NLRP6: variants seen among roughly 807,000 people sequenced by gnomAD.
The protein encoded by NLRP6 is NACHT, LRR and PYD domains-containing protein 6.
NLRP6 carries 55 observed loss-of-function variants against 70.9 expected under a neutral mutation model. That is an observed-to-expected ratio of 0.78 (90% CI 0.62 to 0.97). The LOEUF (loss-of-function observed/expected upper bound fraction) is 0.97. NLRP6 is among the 50% of genes least tolerant of loss of function. The pLI is 0.00. For missense variants in NLRP6, 1,241 were observed against 1,238.3 expected (o/e 1.00, Z -0.03); for synonymous variants, 652 against 581.9 (o/e 1.12, Z -1.73).
chr11:279,462 G>A lies in NLRP6; in HGVS notation c.165G>A (p.Arg55=). The change falls in exon 2 of 8, where the codon CGG becomes CGA. Residue 55 remains arginine (R), a synonymous_variant. Coordinates refer to ENST00000534750, the MANE Select transcript of NLRP6 (RefSeq NM_001276700.2). ...ACGGACGCAGCATCCCGTGGGGGCGGCTGGAGCGCGCGGACGCCGTGGACC... is the reference window on the plus strand; with the variant it reads ...ACGGACGCAGCATCCCGTGGGGGCGACTGGAGCGCGCGGACGCCGTGGACC... ...GPDGRSIPWG[R]LERADAVDLA... 1.4e-6 allele frequency: 2 copies of A among 1,415,366 alleles called. No individual in the cohort carries two copies. Among genetic ancestry groups the A allele is most frequent in the Admixed American group, 3.1e-5 (1 of 31,866 alleles). The allele number at this position is 1,415,366 out of a possible 1,614,324, so 87.7% of individuals were successfully genotyped here.
rs751415614 is a variant in NLRP6 at position 279,443 on chromosome 11, G to T, written c.146G>T (p.Arg49Leu). 1 of 1,393,068 alleles carries T rather than the reference G, an allele frequency of 7.2e-7. No homozygotes were observed. The highest frequency in any genetic ancestry group is 9.3e-7 in the Non-Finnish European group (1 of 1,076,216). The allele number at this position is 1,393,068 out of a possible 1,614,324, so 86.3% of individuals were successfully genotyped here. The change falls in exon 2 of 8, where the codon CGC becomes CTC. Residue 49 changes from arginine to leucine, a missense_variant. Coordinates refer to ENST00000534750, the MANE Select transcript of NLRP6 (RefSeq NM_001276700.2). ...HKLRDVGPDG[R>L]SIPWGRLERA... ...CTGCGCGACGTGGGCCCGGACGGAC[G>T]CAGCATCCCGTGGGGGCGGCTGGAG... is the stretch of plus-strand genomic sequence containing the variant.
chr11:285,197 C>A lies in NLRP6; in HGVS notation c.2569C>A (p.Leu857Ile), dbSNP rs772246526. The change falls in exon 8 of 8, where the codon CTA (leucine) becomes ATA (isoleucine). Residue 857 changes from leucine (L) to isoleucine (I), a missense_variant. Transcript: ENST00000534750. ...CTCTGTGGAGCTGAGCGAGCAGTCA[C>A]TACAGGAGCTTCAGGCTGTGAAGAG... ...LASVELSEQS[L>I]QELQAVKRAK... is the part of the protein sequence containing the mutation. The A allele has an allele frequency of 1.3e-6, 2 of 1,596,170 alleles. No individual in the cohort carries two copies. The highest frequency in any genetic ancestry group is 2.3e-5 in the East Asian group (1 of 44,146).
At chr11:284,730 A>G in intron 7 of NLRP6, 88 bp downstream of exon 7, 1 of 1,300,308 alleles carries the variant, frequency 7.7e-7, no homozygotes, top group Non-Finnish European at 1.0e-6. Flanking sequence ...CTGGACCCTG[A>G]AGAGGGGCCC....
chr11:281,505 C>T lies in NLRP6; in HGVS notation c.1771C>T (p.Pro591Ser). Residue 591 changes from proline to serine, a missense_variant, in exon 4 of 8, where the codon CCA becomes TCA. Coordinates refer to ENST00000534750, the MANE Select transcript of NLRP6 (RefSeq NM_001276700.2). ...GGGACAGGGCTGCCCCGGAGTGGCA[C>T]CAGAGGTGACCGAGGGGGCCAAAGG... ...GQGQGCPGVA[P>S]EVTEGAKGLE... 1.2e-6 allele frequency: 2 copies of T among 1,603,588 alleles called. No individual in the cohort carries two copies. The highest frequency in any genetic ancestry group is 2.2e-5 in the East Asian group (1 of 44,746).
intron 3 of NLRP6, 38 bp from the exon 4 acceptor site, chr11:280,046 C>A: frequency 6.9e-7 from 1 of 1,452,810 alleles, no homozygotes. Context: ...TGCCCCACCT[C>A]CGACCCTTGT....
rs1590266302 is a variant in NLRP6 at position 278,465 on chromosome 11, G to A, written c.-105G>A. 10 of 958,750 alleles carry A rather than the reference G, an allele frequency of 1.0e-5. No individual in the cohort carries two copies. In the East Asian group the frequency reaches 1.8e-4, roughly 17 times the overall value. The allele number at this position is 958,750 out of a possible 1,614,324, so 59.4% of individuals were successfully genotyped here. A position where few individuals can be genotyped will look rare whatever the true frequency, so the allele number is the denominator to read the frequency against. On this transcript the variant is annotated 5_prime_UTR_variant, in exon 1 of 8. Transcript: ENST00000534750. This position sits in a 1 kb window ranked among gnomAD's most constrained non-coding sequence, Gnocchi z 4.7. The stretch of plus-strand genomic sequence containing the variant: ...TGTGTGGACCCGGGGAATGGACCGG[G>A]CTGGACAACCTCTAAGACTTGGCTC...
rs756108573 is a variant in NLRP6 at position 281,608 on chromosome 11, TGTAC to T, written c.1876_1879del (p.Tyr626ArgfsTer33). The T allele has an allele frequency of 5.6e-6, 9 of 1,612,148 alleles. No individual in the cohort carries two copies. The highest frequency in any genetic ancestry group is 2.5e-6 in the Non-Finnish European group (3 of 1,179,312). On this transcript the variant is annotated frameshift_variant, in exon 4 of 8. Transcript: ENST00000534750. LOFTEE classifies it high-confidence loss of function. ...TACCCACTGGAGTTGCTGTACTGCC[TGTAC>T]GAGACGCAGGAGGACGCGTTTGTGC...
chr11:283,916 T>C (rs1845515237), intron 5 of NLRP6, among the ~76,000 whole-genome samples: 1 of 151,216 alleles, frequency 6.6e-6, no homozygotes, highest in African/African-American at 2.4e-5. Context: ...TACCCAACCA[T>C]TAGGGAATAG....
At position 280,899 on chromosome 11, in the gene NLRP6, T is replaced by G. The variant is rs757549802; in HGVS notation, c.1165T>G (p.Phe389Val). 3 of 1,613,348 alleles carry G rather than the reference T, an allele frequency of 1.9e-6. No homozygotes were observed. In the South Asian group the frequency reaches 3.3e-5, roughly 18 times the overall value. ...GCTGTTCGCGCTGTGCTTCGTGCCC[T>G]TCGTGTGCTGGATCGTGTGCACCGT... is the stretch of plus-strand genomic sequence containing the variant. ...ETLFALCFVP[F>V]VCWIVCTVLR... Residue 389 changes from phenylalanine to valine, a missense_variant, in exon 4 of 8, where the codon TTC (phenylalanine) becomes GTC (valine). Coordinates refer to ENST00000534750, the MANE Select transcript of NLRP6 (RefSeq NM_001276700.2).
chr11:282,727 C>T lies in NLRP6; in HGVS notation c.2128C>T (p.Leu710=), dbSNP rs1411862388. The part of the protein sequence containing the change: ...GGSSQGTTKQ[L]PASLLHPLFQ... ...CAGTTCTCAAGGCACCACAAAACAA[C>T]TGCCAGCCTCCCTTCTTCATCCACT... is the stretch of plus-strand genomic sequence containing the variant. Residue 710 remains leucine, a synonymous_variant, in exon 5 of 8, where the codon CTG becomes TTG. Transcript: ENST00000534750. 2.5e-6 allele frequency: 4 copies of T among 1,613,982 alleles called. No homozygotes were observed. The highest frequency in any genetic ancestry group is 3.4e-6 in the Non-Finnish European group (4 of 1,179,944).
At position 280,508 on chromosome 11, in the gene NLRP6, C is replaced by G. The variant is rs1169580292; in HGVS notation, c.774C>G (p.Pro258=). Residue 258 remains proline, a synonymous_variant, in exon 4 of 8, where the codon CCC becomes CCG. Transcript: ENST00000534750. Reference sequence around the variant, plus strand: ...CTGACCTGATCCTGGACCAGTGCCCCGACCGCGGCGCGCCGGTGCCGCAGA... The same window carrying G: ...CTGACCTGATCCTGGACCAGTGCCCGGACCGCGGCGCGCCGGTGCCGCAGA... ...SLADLILDQC[P]DRGAPVPQML... is the part of the protein sequence containing the mutation. The G allele has an allele frequency of 5.7e-6, 9 of 1,574,586 alleles. No homozygotes were observed. The highest frequency in any genetic ancestry group is 1.8e-5 in the Admixed American group (1 of 57,074).
Position 281,305 on chromosome 11 carries a change from G to C in NLRP6, c.1571G>C (p.Gly524Ala), listed in dbSNP as rs1318643606. Residue 524 changes from glycine to alanine, a missense_variant, in exon 4 of 8, where the codon GGC (glycine) becomes GCC (alanine). Gly to Ala is a moderately conservative substitution (Grantham distance 60, BLOSUM62 0). Coordinates refer to ENST00000534750, the MANE Select transcript of NLRP6 (RefSeq NM_001276700.2). ...EDGGVPRTAA[G>A]GVGTLLRGDA... ...GGCGGGGTGCCCAGGACCGCGGCTGGCGGCGTTGGGACACTCCTGCGTGGG... is the reference window on the plus strand; with the variant it reads ...GGCGGGGTGCCCAGGACCGCGGCTGCCGGCGTTGGGACACTCCTGCGTGGG... 3 of 1,608,924 alleles carry C rather than the reference G, an allele frequency of 1.9e-6. No individual in the cohort carries two copies. Among genetic ancestry groups the C allele is most frequent in the Non-Finnish European group, 2.5e-6 (3 of 1,177,528 alleles).
chr11:278,520 T>C lies in NLRP6; in HGVS notation c.-50T>C. The stretch of plus-strand genomic sequence containing the variant: ...TCAGCCTGTGAAGGAATCACCTCTC[T>C]GATCCCCACCTCTGCCCCGGAGTGC... On this transcript the variant is annotated 5_prime_UTR_variant, in exon 1 of 8. Coordinates refer to ENST00000534750, the MANE Select transcript of NLRP6 (RefSeq NM_001276700.2). The surrounding 1 kb of genome is among the most constrained non-coding windows in gnomAD (Gnocchi z 4.7). 6.8e-7 allele frequency: 1 copy of C among 1,466,138 alleles called. No homozygotes were observed. Among genetic ancestry groups the C allele is most frequent in the Non-Finnish European group, 9.1e-7 (1 of 1,102,560 alleles). The allele number at this position is 1,466,138 out of a possible 1,614,324, so 90.8% of individuals were successfully genotyped here.
chr11:279,679 A>AGCACCGGCGCGGTCCCCG, intron 2 of NLRP6, 72 bp downstream of exon 2: 1 of 1,362,086 alleles, frequency 7.3e-7, no homozygotes, highest in African/African-American at 1.5e-5. Flanking sequence ...TTCCCGGAGA[A>AGCACCGGCGCGGTCCCCG]GCCCCGGCGC....
intron 1 of NLRP6, 32 bp from the exon 2 acceptor site, chr11:279,295 C>T: frequency 7.9e-7 from 1 of 1,259,970 alleles, no homozygotes; most frequent in Non-Finnish European, 1.0e-6. Context: ...CCGAGGGCCG[C>T]TCCCCGATGA....
rs1006473633 is a variant in NLRP6, at chr11:280,212, G to C, written c.478G>C (p.Glu160Gln). 6.5e-7 allele frequency: 1 copy of C among 1,546,598 alleles called. No homozygotes were observed. The highest frequency in any genetic ancestry group is 8.7e-7 in the Non-Finnish European group (1 of 1,145,708). The change falls in exon 4 of 8, where the codon GAG (glutamate) becomes CAG (glutamine). Residue 160 changes from glutamate to glutamine, a missense_variant. Transcript: ENST00000534750. ...LLIAPESAAP[E>Q]EAMGPAEEPE... ...CATCGCGCCCGAGAGCGCCGCCCCG[G>C]AGGAGGCGATGGGGCCCGCGGAAGA... is the stretch of plus-strand genomic sequence containing the variant.
chr11:279,312 C>A lies in NLRP6; in HGVS notation c.30-15C>A. Reference sequence around the variant, plus strand: ...GAGGGCCGCTCCCCGATGACCCGCGCCCGCCCGCCTCCAGCACGGGGCCGC... The same window carrying A: ...GAGGGCCGCTCCCCGATGACCCGCGACCGCCCGCCTCCAGCACGGGGCCGC... On this transcript the variant is annotated splice_polypyrimidine_tract_variant and intron_variant, in intron 1 of 7. Transcript: ENST00000534750. 2 of 1,266,498 alleles carry A rather than the reference C, an allele frequency of 1.6e-6. No individual in the cohort carries two copies. Among genetic ancestry groups the A allele is most frequent in the Non-Finnish European group, 2.0e-6 (2 of 1,006,204 alleles). The allele number at this position is 1,266,498 out of a possible 1,614,324, so 78.5% of individuals were successfully genotyped here. A position where few individuals can be genotyped will look rare whatever the true frequency, so the allele number is the denominator to read the frequency against.
rs549256712 is a variant in NLRP6, at chr11:279,548, C to T, written c.251C>T (p.Thr84Ile). The T allele has an allele frequency of 2.0e-5, 29 of 1,444,870 alleles. No individual in the cohort carries two copies. Among genetic ancestry groups the T allele is most frequent in the Non-Finnish European group, 2.4e-5 (26 of 1,102,338 alleles). 89.5% of individuals were successfully genotyped at this position (1,444,870 alleles called of 1,614,324 possible). A position where few individuals can be genotyped will look rare whatever the true frequency, so the allele number is the denominator to read the frequency against. Reference sequence around the variant, plus strand: ...CCTGCCCTGGAGGTGGCCCGCAAGACCCTCAAGAGGGCGGACGCGCGCGAC... The same window carrying T: ...CCTGCCCTGGAGGTGGCCCGCAAGATCCTCAAGAGGGCGGACGCGCGCGAC... ...PEPALEVARKTLKRADARDVA... is the reference protein window; with the variant it reads ...PEPALEVARKILKRADARDVA... The change falls in exon 2 of 8, where the codon ACC becomes ATC. Residue 84 changes from threonine to isoleucine, a missense_variant. Thr to Ile is a moderately conservative substitution (Grantham distance 89). Transcript: ENST00000534750.
At chr11:282,425 G>GA (rs1457788185) in intron 4 of NLRP6, among the ~76,000 whole-genome samples, 1 of 152,238 alleles carries the variant, frequency 6.6e-6, no homozygotes, top group Non-Finnish European at 1.5e-5. Flanking sequence ...ATGTCACGGT[G>GA]TTGGCAGGGG....
Sources: gnomAD v4.1 joint callset for allele counts (sites outside exome capture counted in the v4.1 genomes callset) on GRCh38, gnomAD v4.1.1 for gene constraint, Gnocchi (gnomAD v3.1) non-coding constraint, MANE v1.5 for transcripts, NCBI Gene and HGNC (gene_info 2026-07-23, HGNC 2026-07-21) for gene names.